KCNC4: variants seen among roughly 807,000 people sequenced by gnomAD.
KCNC4 encodes potassium voltage-gated channel subfamily C member 4.
In KCNC4, 23 loss-of-function variants were observed where a neutral mutation model predicts 42.8. That is an observed-to-expected ratio of 0.54 (90% CI 0.39 to 0.76). KCNC4 has a LOEUF of 0.76. Among genes scored for constraint, KCNC4 ranks in the 30% least tolerant of loss-of-function variants. The probability of loss-of-function intolerance (pLI) is 0.00; values close to 1 mark genes in which losing one functional copy is unlikely to be tolerated. For synonymous variants in KCNC4, 422 were observed against 393.5 expected (o/e 1.07, Z -0.86); for missense variants, 751 against 898.2 (o/e 0.84, Z 2.10).
chr1:110,226,980 C>T (rs1399487681), intron 3 of KCNC4, among the ~76,000 whole-genome samples: 1 of 152,180 alleles, frequency 6.6e-6, no homozygotes, highest in Non-Finnish European at 1.5e-5. Context: ...TGGCTGAGAA[C>T]CAGGGGTCTT....
chr1:110,212,477 C>T (rs1657536059), intron 1 of KCNC4, among the ~76,000 whole-genome samples: 3 of 152,230 alleles, frequency 2.0e-5, no homozygotes, highest in African/African-American at 2.4e-5. Flanking sequence ...CTCCTCCACC[C>T]CCTTCTTTGG....
In KCNC4 at chr1:110,222,961, T is replaced by C. The variant is rs746001269; in HGVS notation, c.679-3T>C. 2 of 1,609,886 alleles carry C rather than the reference T, an allele frequency of 1.2e-6. No individual in the cohort carries two copies. Among genetic ancestry groups the C allele is most frequent in the South Asian group, 2.2e-5 (2 of 90,970 alleles). On this transcript the variant is annotated splice_region_variant and splice_polypyrimidine_tract_variant and intron_variant, in intron 1 of 3. Coordinates refer to ENST00000438661, the MANE Select transcript of KCNC4 (RefSeq NM_001039574.3). The stretch of plus-strand genomic sequence containing the variant: ...GCCCCCTGCTCTCCTCCCCTGCCCA[T>C]AGGTAGTGGCCTTTGCCTCTCTCTT...
At chr1:110,220,761 G>T (rs2101006080) in intron 1 of KCNC4, 1 of 152,300 alleles carries the variant, frequency 6.6e-6, no homozygotes, top group East Asian at 1.9e-4. Flanking sequence ...CCTAGGGATG[G>T]CCATGGAGAG....
At chr1:110,276,982 A>G (rs1019877210) in intron 1 of KCNC4, among the ~76,000 whole-genome samples, 2 of 152,222 alleles carry the variant, frequency 1.3e-5, no homozygotes, top group African/African-American at 4.8e-5. Context: ...ATTTTTCATT[A>G]TCAGAGACTC....
At chr1:110,283,667 C>T (rs1425420883), downstream of KCNC4, among the ~76,000 whole-genome samples, 1 of 152,190 alleles carries the variant, frequency 6.6e-6, no homozygotes, top group Non-Finnish European at 1.5e-5. Flanking sequence ...ACGTTTAGTC[C>T]TGACGACTTT....
intron 1 of KCNC4, chr1:110,220,465 G>GCCGC (rs1553211903): frequency 9.1e-6 from 1 of 110,242 alleles, no homozygotes; most frequent in Non-Finnish European, 1.9e-5. Context: ...CCGGGGCCAT[G>GCCGC]CCGCCCTCCC....
chr1:110,224,013 G>A, intron 2 of KCNC4, 113 bp downstream of exon 2: 1 of 860,340 alleles, frequency 1.2e-6, no homozygotes. Flanking sequence ...GCTTCCCTAA[G>A]CATAAAGATG....
chr1:110,213,197 A>AAAAAAAC (rs869067205), intron 1 of KCNC4, among the ~76,000 whole-genome samples: 1 of 147,162 alleles, frequency 6.8e-6, no homozygotes. Flanking sequence ...AAAAAAAAAA[A>AAAAAAAC]TCCCTGAAGG....
chr1:110,263,909 C>G (rs751296921), intron 1 of KCNC4, among the ~76,000 whole-genome samples: 3 of 152,074 alleles, frequency 2.0e-5, no homozygotes, highest in Non-Finnish European at 2.9e-5. Flanking sequence ...CCTCTGGGTA[C>G]AAAGCTCCCC....
chr1:110,218,238 A>G (rs538872395), intron 1 of KCNC4, among the ~76,000 whole-genome samples: 130 of 152,236 alleles, frequency 8.5e-4, no homozygotes, highest in Non-Finnish European at 1.3e-3. Flanking sequence ...GCTGAGTTTT[A>G]CAAGTATCAT....
intron 1 of KCNC4, among the ~76,000 whole-genome samples, chr1:110,276,791 C>T (rs920025378): frequency 4.6e-5 from 7 of 152,142 alleles, no homozygotes; most frequent in African/African-American, 1.4e-4. Context: ...GCCCCAGGAG[C>T]TTAGTATCTC....
At chr1:110,275,400 C>T (rs147198310) in intron 1 of KCNC4, among the ~76,000 whole-genome samples, 3 of 152,238 alleles carry the variant, frequency 2.0e-5, no homozygotes, top group Non-Finnish European at 4.4e-5. Flanking sequence ...AATGCTTATA[C>T]ACTATTGGTG....
intron 1 of KCNC4, among the ~76,000 whole-genome samples, chr1:110,218,798 G>C (rs916409651): frequency 6.6e-6 from 1 of 152,196 alleles, no homozygotes; most frequent in African/African-American, 2.4e-5. Context: ...GGTGGGGTTG[G>C]TGGAGGAGGA....
At chr1:110,250,244 G>T (rs559579164), downstream of KCNC4, among the ~76,000 whole-genome samples, 1 of 152,190 alleles carries the variant, frequency 6.6e-6, no homozygotes, top group Admixed American at 6.5e-5. Context: ...CCAGCCAGAA[G>T]TCCAGACAGA....
chr1:110,220,935 G>A (rs1229777700), intron 1 of KCNC4: 3 of 152,234 alleles, frequency 2.0e-5, no homozygotes, highest in East Asian at 3.9e-4. Flanking sequence ...AATTGGGAAA[G>A]TGTGTCTGTG....
At chr1:110,269,039 T>G (rs1376904438) in intron 1 of KCNC4, among the ~76,000 whole-genome samples, 1 of 152,196 alleles carries the variant, frequency 6.6e-6, no homozygotes, top group Non-Finnish European at 1.5e-5. Flanking sequence ...TTAAGCTCTT[T>G]CTTTGCTGCA....
downstream of KCNC4, chr1:110,235,503 G>A (rs1251942810): frequency 6.6e-6 from 1 of 152,210 alleles, no homozygotes; most frequent in African/African-American, 2.4e-5. Flanking sequence ...CATGGTCAGG[G>A]GCTGAGAACC....
intron 1 of KCNC4, among the ~76,000 whole-genome samples, chr1:110,266,684 A>G (rs964481613): frequency 1.3e-5 from 2 of 152,196 alleles, no homozygotes; most frequent in East Asian, 3.8e-4. Flanking sequence ...GCTCCTAGCT[A>G]TAAGTCTGCC....
Position 110,211,886 on chromosome 1 carries a change from G to A in KCNC4, c.387G>A (p.Glu129=), listed in dbSNP as rs778881467. 3.1e-6 allele frequency: 5 copies of A among 1,611,694 alleles called. No individual in the cohort carries two copies. Among genetic ancestry groups the A allele is most frequent in the Admixed American group, 3.3e-5 (2 of 60,028 alleles). ...ADVCGPLFEE[E]LTFWGIDETD... ...TGTGCGGGCCGCTCTTCGAAGAGGAGCTCACCTTCTGGGGCATCGACGAGA... is the reference window on the plus strand; with the variant it reads ...TGTGCGGGCCGCTCTTCGAAGAGGAACTCACCTTCTGGGGCATCGACGAGA... Residue 129 remains glutamate (E), a synonymous_variant, in exon 1 of 4, where the codon GAG becomes GAA. Coordinates refer to ENST00000438661, the MANE Select transcript of KCNC4 (RefSeq NM_001039574.3). This position sits in a 1 kb window ranked among gnomAD's most constrained non-coding sequence, Gnocchi z 6.5.
Sources: gnomAD v4.1 joint callset for allele counts (sites outside exome capture counted in the v4.1 genomes callset) on GRCh38, gnomAD v4.1.1 for gene constraint, Gnocchi (gnomAD v3.1) non-coding constraint, MANE v1.5 for transcripts, NCBI Gene and HGNC (gene_info 2026-07-23, HGNC 2026-07-21) for gene names.